Variants in LRMDA observed in about 807,000 individuals in gnomAD.
The protein encoded by LRMDA is leucine rich melanocyte differentiation associated, also known as leucine-rich melanocyte differentiation-associated protein.
Under a neutral mutation model 29.8 loss-of-function variants are expected in LRMDA, and 18 were observed. The ratio of observed to expected loss-of-function variants is 0.60; its 90% CI spans 0.42 to 0.90. The LOEUF is 0.90. Among genes scored for constraint, LRMDA ranks in the 40% least tolerant of loss-of-function variants. The pLI, the probability that LRMDA is intolerant of heterozygous loss-of-function variation, is 0.00. For missense variants in LRMDA, 273 were observed against 273.9 expected, an observed-to-expected ratio of 1.00 and a Z score of 0.02; for synonymous variants, 125 against 109.4, an observed-to-expected ratio of 1.14 and a Z score of -0.89.
At chr10:75,440,636 T>C (rs185761398) in intron 2 of LRMDA, among the ~76,000 whole-genome samples, 4 of 152,206 alleles carry the variant, frequency 2.6e-5, no homozygotes, top group Non-Finnish European at 4.4e-5. Flanking sequence ...TTCTCTTGGG[T>C]GTTAGAAGAA....
At chr10:76,374,882 A>G (rs1247773814) in intron 6 of LRMDA, among the ~76,000 whole-genome samples, 3 of 152,176 alleles carry the variant, frequency 2.0e-5, no homozygotes, top group East Asian at 1.9e-4. Context: ...AACTTGATAA[A>G]TGGAGATTCA....
chr10:76,535,756 T>C (rs1269044795), intron 6 of LRMDA: 3 of 152,204 alleles, frequency 2.0e-5, no homozygotes, highest in Non-Finnish European at 4.4e-5. Flanking sequence ...CTGTGTATTA[T>C]ATATACCATT....
At chr10:76,052,410 G>A (rs1244801774) in intron 4 of LRMDA, among the ~76,000 whole-genome samples, 1 of 152,126 alleles carries the variant, frequency 6.6e-6, no homozygotes, top group Non-Finnish European at 1.5e-5. Flanking sequence ...GTTGTAAGGT[G>A]TTCCTGGGGA....
chr10:76,525,687 T>A (rs116480200), intron 6 of LRMDA, among the ~76,000 whole-genome samples: 2,985 of 152,284 alleles, frequency 0.02, 102 homozygotes, highest in African/African-American at 0.067. Context: ...TTCTAGTCAC[T>A]GTGTTAGTTG....
chr10:75,910,036 A>G (rs1453018704), intron 2 of LRMDA, among the ~76,000 whole-genome samples: 1 of 152,174 alleles, frequency 6.6e-6, no homozygotes, highest in Non-Finnish European at 1.5e-5. Flanking sequence ...GAGGGACTGG[A>G]ATTTTTCTTC....
chr10:75,447,332 C>G (rs1844407185), intron 2 of LRMDA, among the ~76,000 whole-genome samples: 1 of 152,082 alleles, frequency 6.6e-6, no homozygotes, highest in Non-Finnish European at 1.5e-5. Flanking sequence ...TTGTGACCAG[C>G]CTGGCCAACG....
At chr10:75,757,003 T>C (rs542594564) in intron 2 of LRMDA, among the ~76,000 whole-genome samples, 5 of 152,298 alleles carry the variant, frequency 3.3e-5, no homozygotes, top group African/African-American at 1.2e-4. Flanking sequence ...ACTATATTAA[T>C]GGGGCTCCAA....
chr10:75,635,507 G>C (rs1283441662), intron 2 of LRMDA, among the ~76,000 whole-genome samples: 1 of 152,134 alleles, frequency 6.6e-6, no homozygotes, highest in Non-Finnish European at 1.5e-5. Context: ...TAGAATTCAA[G>C]GTTCTGGCCT....
intron 2 of LRMDA, among the ~76,000 whole-genome samples, chr10:75,554,313 T>C (rs2132057032): frequency 6.6e-6 from 1 of 152,270 alleles, no homozygotes; most frequent in Middle Eastern, 3.4e-3. Context: ...TAGAAATCCT[T>C]CCAAATGGGA....
intron 2 of LRMDA, among the ~76,000 whole-genome samples, chr10:75,867,620 G>T (rs1428007535): frequency 6.6e-6 from 1 of 152,212 alleles, no homozygotes; most frequent in African/African-American, 2.4e-5. Flanking sequence ...GAACCCCAAA[G>T]CACCCAGTGG....
chr10:76,372,423 G>T (rs1372308284), intron 6 of LRMDA, among the ~76,000 whole-genome samples: 2 of 151,952 alleles, frequency 1.3e-5, no homozygotes, highest in African/African-American at 4.8e-5. Context: ...GACCAGCTTG[G>T]CCAACATGGT....
At chr10:76,216,302 G>A (rs2132252080) in intron 5 of LRMDA, among the ~76,000 whole-genome samples, 1 of 152,298 alleles carries the variant, frequency 6.6e-6, no homozygotes, top group East Asian at 1.9e-4. Flanking sequence ...GTTACAGTGA[G>A]GTAGGATCAT....
chr10:75,483,017 T>C (rs1352090699), intron 2 of LRMDA, among the ~76,000 whole-genome samples: 1 of 152,138 alleles, frequency 6.6e-6, no homozygotes, highest in Non-Finnish European at 1.5e-5. Context: ...CCATCTCAGC[T>C]TACTGCAACC....
At chr10:75,683,813 A>T (rs918633159) in intron 2 of LRMDA, among the ~76,000 whole-genome samples, 1 of 151,994 alleles carries the variant, frequency 6.6e-6, no homozygotes, top group African/African-American at 2.4e-5. Flanking sequence ...TTACACACCT[A>T]CTCTGTGCTA....
intron 2 of LRMDA, among the ~76,000 whole-genome samples, chr10:75,702,107 G>A (rs751272349): frequency 6.6e-6 from 1 of 152,046 alleles, no homozygotes; most frequent in African/African-American, 2.4e-5. Flanking sequence ...CAGTTTAAAC[G>A]TGACTTCTTC....
intron 5 of LRMDA, among the ~76,000 whole-genome samples, chr10:76,315,305 T>C (rs964610291): frequency 2.0e-5 from 3 of 152,194 alleles, no homozygotes; most frequent in African/African-American, 7.2e-5. Flanking sequence ...CCCTAACCAG[T>C]TGAAGGGGCG....
chr10:75,907,255 G>A (rs928078063), intron 2 of LRMDA, among the ~76,000 whole-genome samples: 1 of 152,178 alleles, frequency 6.6e-6, no homozygotes, highest in African/African-American at 2.4e-5. Context: ...AAGGTTTAGT[G>A]TATATAAAAT....
At chr10:75,652,577 G>A (rs918421271) in intron 2 of LRMDA, among the ~76,000 whole-genome samples, 2 of 152,176 alleles carry the variant, frequency 1.3e-5, no homozygotes, top group South Asian at 4.1e-4. Flanking sequence ...TGAGCTGCCT[G>A]TACTTTGTTT....
At chr10:75,668,839 T>C (rs557548951) in intron 2 of LRMDA, among the ~76,000 whole-genome samples, 1 of 152,342 alleles carries the variant, frequency 6.6e-6, no homozygotes, top group Non-Finnish European at 1.5e-5. Context: ...AATTGGAAAT[T>C]GCTGCTTTGC....
Sources: gnomAD v4.1 joint callset for allele counts (sites outside exome capture counted in the v4.1 genomes callset) on GRCh38, gnomAD v4.1.1 for gene constraint, MANE v1.5 for transcripts, NCBI Gene and HGNC (gene_info 2026-07-23, HGNC 2026-07-21) for gene names.